The following HCN1 variants were observed in gnomAD, a reference collection of about 807,000 sequenced individuals.
HCN1 encodes the protein potassium/sodium hyperpolarization-activated cyclic nucleotide-gated channel 1.
In HCN1, 13 loss-of-function variants were observed where a neutral mutation model predicts 78.9. The ratio of observed to expected loss-of-function variants is 0.16; its 90% CI spans 0.11 to 0.26. The LOEUF (loss-of-function observed/expected upper bound fraction) is 0.26, where lower values mean the gene tolerates loss of function less well. HCN1 is among the 10% of genes least tolerant of loss of function. The pLI, the probability that HCN1 is intolerant of heterozygous loss-of-function variation, is 1.00. For missense variants in HCN1, 810 were observed against 1,154.3 expected, an observed-to-expected ratio of 0.70 and a Z score of 4.32; for synonymous variants, 552 against 455.5, an observed-to-expected ratio of 1.21 and a Z score of -2.70.
chr5:45,299,552 A>T (rs1745566204), intron 6 of HCN1, among the ~76,000 whole-genome samples: 1 of 151,926 alleles, frequency 6.6e-6, no homozygotes, highest in Non-Finnish European at 1.5e-5. Context: ...TGGCATTGGC[A>T]TCAAATTTTT....
chr5:45,659,435 C>T (rs1250059798), intron 1 of HCN1, among the ~76,000 whole-genome samples: 5 of 107,860 alleles, frequency 4.6e-5, no homozygotes, highest in Admixed American at 9.1e-5. Flanking sequence ...TCACCAGCAA[C>T]GGAACAAAGC....
chr5:45,652,877 A>G (rs1422108896), intron 1 of HCN1, among the ~76,000 whole-genome samples: 2 of 151,910 alleles, frequency 1.3e-5, no homozygotes, highest in African/African-American at 4.8e-5. Flanking sequence ...CCCTAATACA[A>G]TATTTTTCAA....
At chr5:45,549,589 A>C (rs1438968463) in intron 2 of HCN1, among the ~76,000 whole-genome samples, 1 of 152,190 alleles carries the variant, frequency 6.6e-6, no homozygotes, top group Non-Finnish European at 1.5e-5. Context: ...AGGCATGGGC[A>C]AGTACTTCAT....
intron 2 of HCN1, among the ~76,000 whole-genome samples, chr5:45,528,295 A>G (rs914126476): frequency 3.3e-5 from 5 of 152,004 alleles, no homozygotes; most frequent in Non-Finnish European, 5.9e-5. Flanking sequence ...ATCTATTAAT[A>G]TTCTTGTGAA....
intron 3 of HCN1, among the ~76,000 whole-genome samples, chr5:45,461,274 T>A (rs1167653550): frequency 6.6e-6 from 1 of 152,076 alleles, no homozygotes; most frequent in Non-Finnish European, 1.5e-5. Context: ...TAAATCAAAT[T>A]TATACTTTAT....
intron 2 of HCN1, among the ~76,000 whole-genome samples, chr5:45,562,905 A>T (rs1743634167): frequency 1.3e-5 from 2 of 152,214 alleles, no homozygotes; most frequent in African/African-American, 4.8e-5. Context: ...ATTAAGCAAA[A>T]TACATAGGAT....
chr5:45,327,570 T>G (rs991153920), intron 5 of HCN1, among the ~76,000 whole-genome samples: 1 of 151,556 alleles, frequency 6.6e-6, no homozygotes, highest in African/African-American at 2.4e-5. Flanking sequence ...TTAGTTAGAT[T>G]TTTATGGGAC....
At chr5:45,339,106 A>G (rs1746522419) in intron 5 of HCN1, among the ~76,000 whole-genome samples, 2 of 152,296 alleles carry the variant, frequency 1.3e-5, no homozygotes, top group African/African-American at 4.8e-5. Context: ...TTTATTAAGC[A>G]GTCATGATTC....
At position 45,370,233 on chromosome 5, in the gene HCN1, C is replaced by T. The variant is rs1265029828; in HGVS notation, c.1231-16987G>A. Among the ~76,000 whole-genome samples the T allele has an allele frequency of 2.6e-5, 4 of 151,784 alleles. No individual in the cohort carries two copies. The South Asian group carries it at 6.2e-4, about 24-fold the overall frequency. On this transcript the variant is annotated intron_variant, in intron 4 of 7. Coordinates refer to ENST00000303230, the MANE Select transcript of HCN1 (RefSeq NM_021072.4). The stretch of plus-strand genomic sequence containing the variant: ...TACAATTACCAAATTTGATTAAAAA[C>T]GGACATATTTATCCAATATTATCAA...
intron 3 of HCN1, among the ~76,000 whole-genome samples, chr5:45,446,962 G>T (rs1345031436): frequency 4.6e-5 from 7 of 151,786 alleles, no homozygotes; most frequent in Admixed American, 2.6e-4. Context: ...ATCGAGACTA[G>T]GAAGAAACTG....
At chr5:45,290,599 G>C (rs2111884014) in intron 6 of HCN1, among the ~76,000 whole-genome samples, 1 of 152,154 alleles carries the variant, frequency 6.6e-6, no homozygotes, top group South Asian at 2.1e-4. Flanking sequence ...TAGAAGAAAA[G>C]TTTGGGATTA....
intron 3 of HCN1, among the ~76,000 whole-genome samples, chr5:45,426,944 C>G (rs1422373671): frequency 6.6e-6 from 1 of 152,020 alleles, no homozygotes; most frequent in Non-Finnish European, 1.5e-5. Flanking sequence ...GTATACTCAA[C>G]AGTCTTGCAA....
intron 2 of HCN1, among the ~76,000 whole-genome samples, chr5:45,540,992 G>A (rs1294441456): frequency 2.0e-5 from 3 of 152,012 alleles, no homozygotes; most frequent in Admixed American, 2.0e-4. Flanking sequence ...AATCCAAAGG[G>A]ACCGACTTAT....
intron 2 of HCN1, among the ~76,000 whole-genome samples, chr5:45,485,522 C>T (rs1741738683): frequency 6.6e-6 from 1 of 152,110 alleles, no homozygotes; most frequent in South Asian, 2.1e-4. Context: ...TGCATAATTA[C>T]ACATAATTTC....
intron 2 of HCN1, among the ~76,000 whole-genome samples, chr5:45,492,296 A>ATG (rs375423075): frequency 0.16 from 22,776 of 140,782 alleles, 1,799 homozygotes; most frequent in Middle Eastern, 0.29. Flanking sequence ...AACTCTGTGT[A>ATG]TGTGTGTGTG....
At chr5:45,342,436 C>T (rs1579824495) in intron 5 of HCN1, among the ~76,000 whole-genome samples, 1 of 149,750 alleles carries the variant, frequency 6.7e-6, no homozygotes, top group African/African-American at 2.5e-5. Context: ...ATGGAGTTTG[C>T]CATGTTGGCC....
At chr5:45,619,869 G>A (rs776406965) in intron 2 of HCN1, among the ~76,000 whole-genome samples, 1 of 151,998 alleles carries the variant, frequency 6.6e-6, no homozygotes, top group South Asian at 2.1e-4. Context: ...CTCTCTCCTT[G>A]AGTATAAACT....
chr5:45,497,083 T>C (rs1742052209), intron 2 of HCN1, among the ~76,000 whole-genome samples: 1 of 152,204 alleles, frequency 6.6e-6, no homozygotes, highest in Admixed American at 6.5e-5. Context: ...TGTTATAATT[T>C]CTGTTCTTTA....
intron 1 of HCN1, among the ~76,000 whole-genome samples, chr5:45,673,902 G>A (rs1459844592): frequency 2.6e-5 from 4 of 151,488 alleles, no homozygotes; most frequent in South Asian, 2.1e-4. Flanking sequence ...TTCATGAAAC[G>A]TGATTTCAAG....
Sources: gnomAD v4.1 joint callset for allele counts (sites outside exome capture counted in the v4.1 genomes callset) on GRCh38, gnomAD v4.1.1 for gene constraint, MANE v1.5 for transcripts, NCBI Gene and HGNC (gene_info 2026-07-23, HGNC 2026-07-21) for gene names.